DMXL1: variants seen among roughly 807,000 people sequenced by gnomAD.
DMXL1 encodes the protein dmX-like protein 1.
Under a neutral mutation model 319.2 loss-of-function variants are expected in DMXL1, and 99 were observed. The ratio of observed to expected loss-of-function variants is 0.31; its 90% confidence interval spans 0.26 to 0.37. The LOEUF (loss-of-function observed/expected upper bound fraction) is 0.37. DMXL1 is among the 10% of genes least tolerant of loss of function. The probability of loss-of-function intolerance (pLI) is 1.00; values close to 1 mark genes in which losing one functional copy is unlikely to be tolerated. For synonymous variants in DMXL1, 1,385 were observed against 1,235.2 expected, an observed-to-expected ratio of 1.12 and a Z score of -2.54; for missense variants, 3,745 against 3,595.6, an observed-to-expected ratio of 1.04 and a Z score of -1.06.
At chr5:119,128,884 T>G (rs888907212) in intron 9 of DMXL1, among the ~76,000 whole-genome samples, 3 of 152,044 alleles carry the variant, frequency 2.0e-5, no homozygotes, top group Non-Finnish European at 1.5e-5. Context: ...GCCAGCGTGG[T>G]GAAACCCTGT....
chr5:119,130,602 CAA>C (rs1027258318), intron 10 of DMXL1, among the ~76,000 whole-genome samples: 2 of 152,194 alleles, frequency 1.3e-5, no homozygotes, highest in African/African-American at 4.8e-5. Flanking sequence ...CTGGGCCTCC[CAA>C]AGTGCTGGGA....
chr5:119,177,374 A>T lies in DMXL1; in HGVS notation c.6776A>T (p.Gln2259Leu). 1.3e-6 allele frequency: 2 copies of T among 1,555,726 alleles called. No individual in the cohort carries two copies. Among genetic ancestry groups the T allele is most frequent in the Non-Finnish European group, 1.7e-6 (2 of 1,153,434 alleles). ...TCTCTTAGTTCATTTCAGACGAATC[A>T]GTTTACTGGAATGGTATATCAGACA... ...SHNYSSFQTNQFTGMVYQTVL... is the reference protein window; with the variant it reads ...SHNYSSFQTNLFTGMVYQTVL... The change falls in exon 27 of 44, where the codon CAG becomes CTG. Residue 2259 changes from glutamine to leucine, a missense_variant. Coordinates refer to ENST00000539542, the MANE Select transcript of DMXL1 (RefSeq NM_001290321.3).
chr5:119,224,109 GC>G (rs1287851119), intron 37 of DMXL1, among the ~76,000 whole-genome samples: 1 of 151,680 alleles, frequency 6.6e-6, no homozygotes, highest in African/African-American at 2.4e-5. Context: ...ACAACTTTAG[GC>G]TAATTGAACC....
intron 41 of DMXL1, 150 bp from the exon 42 acceptor site, chr5:119,240,269 A>C (rs895759424): frequency 5.8e-6 from 3 of 516,322 alleles, no homozygotes; most frequent in Admixed American, 3.4e-5. Flanking sequence ...TTAGTTTCAT[A>C]TAAATTTGTT....
At chr5:119,211,947 G>A (rs1054962994) in intron 34 of DMXL1, among the ~76,000 whole-genome samples, 4 of 152,166 alleles carry the variant, frequency 2.6e-5, no homozygotes, top group Non-Finnish European at 5.9e-5. Context: ...GGATCCTGGT[G>A]TTAATCTATT....
At chr5:119,167,094 G>A (rs1773586251) in intron 22 of DMXL1, among the ~76,000 whole-genome samples, 1 of 151,940 alleles carries the variant, frequency 6.6e-6, no homozygotes, top group South Asian at 2.1e-4. Context: ...CCCCATATCT[G>A]GCTCTCTATT....
chr5:119,118,789 G>T (rs1179120734), intron 7 of DMXL1, 26 bp from the exon 8 acceptor site: 2 of 1,543,732 alleles, frequency 1.3e-6, no homozygotes, highest in Middle Eastern at 3.4e-4. Context: ...TTGTATTTTT[G>T]CTTCTAAAAT....
intron 7 of DMXL1, 134 bp downstream of exon 7, chr5:119,116,470 T>TA: frequency 1.0e-6 from 1 of 957,898 alleles, no homozygotes; most frequent in Admixed American, 2.5e-5. Context: ...TATTAAATCG[T>TA]CTCTGGCCTG....
At chr5:119,072,896 T>C (rs1749951272) in intron 1 of DMXL1, among the ~76,000 whole-genome samples, 1 of 152,182 alleles carries the variant, frequency 6.6e-6, no homozygotes, top group Non-Finnish European at 1.5e-5. Context: ...GCAACTATAG[T>C]TTCCTTACAC....
intron 28 of DMXL1, among the ~76,000 whole-genome samples, chr5:119,186,555 A>C (rs1402943007): frequency 6.6e-6 from 1 of 152,248 alleles, no homozygotes; most frequent in East Asian, 1.9e-4. Flanking sequence ...GCTGATTTTA[A>C]ATGATAAACT....
In DMXL1 at chr5:119,170,215, T is replaced by C; in HGVS notation, c.5424T>C (p.Pro1808=). The change falls in exon 24 of 44, where the codon CCT becomes CCC. Residue 1808 remains proline, a synonymous_variant. Coordinates refer to ENST00000539542, the MANE Select transcript of DMXL1 (RefSeq NM_001290321.3). ...NDDQVLSASN[P]TVFNFYNYLR... is the part of the protein sequence containing the mutation. ...ATCAAGTTTTATCAGCCAGTAATCC[T>C]ACAGTTTTTAATTTCTACAATTATC... The C allele has an allele frequency of 1.2e-6, 2 of 1,603,442 alleles. No homozygotes were observed. Among genetic ancestry groups the C allele is most frequent in the Non-Finnish European group, 1.7e-6 (2 of 1,177,092 alleles).
chr5:119,089,667 C>T lies in DMXL1; in HGVS notation c.88-8312C>T, dbSNP rs1754260007. On this transcript the variant is annotated intron_variant, in intron 1 of 43. Coordinates refer to ENST00000539542, the MANE Select transcript of DMXL1 (RefSeq NM_001290321.3). ...TGAGACAGAGTTTCACTCTTGTTGCCCAGGCTGGTGTGCAATGGCGCAATC... is the reference window on the plus strand; with the variant it reads ...TGAGACAGAGTTTCACTCTTGTTGCTCAGGCTGGTGTGCAATGGCGCAATC... Among the ~76,000 whole-genome samples the T allele has an allele frequency of 5.3e-5, 8 of 149,842 alleles. No homozygotes were observed. The South Asian group carries it at 1.7e-3, about 32-fold the overall frequency.
chr5:119,171,363 C>T (rs1322896984), intron 24 of DMXL1, 83 bp downstream of exon 24: 1 of 1,351,346 alleles, frequency 7.4e-7, no homozygotes, highest in Non-Finnish European at 1.0e-6. Flanking sequence ...AATACTAAGA[C>T]TTGATTTTCT....
chr5:119,126,321 T>C (rs988114486), intron 9 of DMXL1, among the ~76,000 whole-genome samples: 6 of 152,124 alleles, frequency 3.9e-5, no homozygotes, highest in Non-Finnish European at 8.8e-5. Context: ...AAAGCATTAT[T>C]GTATGTGCTG....
Position 119,191,419 on chromosome 5 carries a change from G to C in DMXL1, c.7314+1533G>C, listed in dbSNP as rs534352081. 9.9e-5 allele frequency among the ~76,000 whole-genome samples: 15 copies of C among 152,186 alleles called. No homozygotes were observed. In the East Asian group the frequency reaches 2.5e-3, roughly 25 times the overall value. ...TTTAAGGGTAGTGAAGGGAGTTTGG[G>C]TCTCCTTGTTCCTCACTGCCCTTTT... On this transcript the variant is annotated intron_variant, in intron 29 of 43. Transcript: ENST00000539542.
At chr5:119,166,997 T>TA (rs1392055116) in intron 22 of DMXL1, among the ~76,000 whole-genome samples, 1 of 152,182 alleles carries the variant, frequency 6.6e-6, no homozygotes, top group Non-Finnish European at 1.5e-5. Context: ...TGGTGTTTGT[T>TA]AGTTGGTAGA....
chr5:119,102,887 G>C (rs115272490), intron 3 of DMXL1, among the ~76,000 whole-genome samples: 6,766 of 152,138 alleles, frequency 0.044, 225 homozygotes, highest in South Asian at 0.066. Flanking sequence ...GAGAAATTAT[G>C]AACACAAGGA....
chr5:119,231,138 T>C (rs548742041), intron 38 of DMXL1, among the ~76,000 whole-genome samples: 1 of 152,312 alleles, frequency 6.6e-6, no homozygotes, highest in Admixed American at 6.5e-5. Flanking sequence ...TTTTATTTAG[T>C]GCTTCCTGTA....
At chr5:119,084,591 C>T (rs1752924006) in intron 1 of DMXL1, among the ~76,000 whole-genome samples, 1 of 152,082 alleles carries the variant, frequency 6.6e-6, no homozygotes, top group Non-Finnish European at 1.5e-5. Flanking sequence ...TGGCTGGGTG[C>T]TGTGGCTCAT....
Sources: allele counts gnomAD v4.1 joint callset (sites outside exome capture counted in the v4.1 genomes callset), GRCh38; gene constraint gnomAD v4.1.1; transcripts MANE v1.5; gene names NCBI Gene and HGNC (gene_info 2026-07-23, HGNC 2026-07-21).